KCNC1: variants seen among roughly 807,000 people sequenced by gnomAD.
The protein encoded by KCNC1 is voltage-gated potassium channel KCNC1.
In KCNC1, 8 loss-of-function variants were observed where a neutral mutation model predicts 43.4. That is an observed-to-expected ratio of 0.18 (90% CI 0.11 to 0.33). KCNC1 has a LOEUF of 0.33. Ranked by LOEUF, KCNC1 falls within the 10% of genes least tolerant of loss-of-function variation. The probability of loss-of-function intolerance (pLI) is 1.00; values close to 1 mark genes in which losing one functional copy is unlikely to be tolerated. For missense variants in KCNC1, 420 were observed against 836.0 expected (o/e 0.50, Z 6.14); for synonymous variants, 361 against 360.5 (o/e 1.00, Z -0.01).
chr11:17,748,706 C>T lies in KCNC1; in HGVS notation c.570+12134C>T, dbSNP rs117841032. 4.7e-3 allele frequency among the ~76,000 whole-genome samples: 718 copies of T among 152,230 alleles called. 19 individuals carry two copies. The East Asian group carries it at 0.098, about 21-fold the overall frequency. On this transcript the variant is annotated intron_variant, in intron 1 of 3. Coordinates refer to ENST00000265969, the MANE Select transcript of KCNC1 (RefSeq NM_001112741.2). ...TCCTGACAGTGGGGTCTGCTCTTGA[C>T]GGGGCCTGCCCCATGGGTTCCCTGA...
Position 17,777,608 on chromosome 11 carries a change from G to C in KCNC1, c.1505-1848G>C. On this transcript the variant is annotated intron_variant, in intron 2 of 3. Coordinates refer to ENST00000265969, the MANE Select transcript of KCNC1 (RefSeq NM_001112741.2). This position sits in a 1 kb window ranked among gnomAD's most constrained non-coding sequence, Gnocchi z 4.3. ...AGACATGCCCCAAGACCCCAGAGAC[G>C]CCCCGGCCCCAGTCACATGGTGTCA... 1.0e-6 allele frequency: 1 copy of C among 985,840 alleles called. No individual in the cohort carries two copies. Among genetic ancestry groups the C allele is most frequent in the Non-Finnish European group, 1.2e-6 (1 of 829,938 alleles). 61.1% of individuals were successfully genotyped at this position (985,840 alleles called of 1,614,324 possible).
rs1304498387 is a variant in KCNC1 at position 17,739,419 on chromosome 11, C to G, written c.570+2847C>G. Among the ~76,000 whole-genome samples the G allele has an allele frequency of 6.9e-6, 1 of 144,890 alleles. No homozygotes were observed. The highest frequency in any genetic ancestry group is 2.6e-5 in the African/African-American group (1 of 37,894). ...TGTGTGGTGAGACTGCGACTCTGTGCGAGCTTCCTGAGTCCTTGTGTCAGG... is the reference window on the plus strand; with the variant it reads ...TGTGTGGTGAGACTGCGACTCTGTGGGAGCTTCCTGAGTCCTTGTGTCAGG... On this transcript the variant is annotated intron_variant, in intron 1 of 3. Transcript: ENST00000265969. This position sits in a 1 kb window ranked among gnomAD's most constrained non-coding sequence, Gnocchi z 4.2.
At chr11:17,748,602 A>G (rs1848928979) in intron 1 of KCNC1, among the ~76,000 whole-genome samples, 2 of 152,174 alleles carry the variant, frequency 1.3e-5, no homozygotes, top group South Asian at 4.1e-4. Context: ...AATCTAAAAT[A>G]AAATAATTTT....
chr11:17,765,452 T>C (rs1849137421), intron 1 of KCNC1, among the ~76,000 whole-genome samples: 1 of 152,212 alleles, frequency 6.6e-6, no homozygotes. Flanking sequence ...AATAACTTGG[T>C]GATTTATAAA....
chr11:17,735,995 G>T lies in KCNC1; in HGVS notation c.-8G>T, dbSNP rs1298997012. ...GCTGGGCCGCGCCATGCCTAAGGGG[G>T]CGCCGCGATGGGCCAAGGGGACGAG... On this transcript the variant is annotated 5_prime_UTR_variant, in exon 1 of 4. Coordinates refer to ENST00000265969, the MANE Select transcript of KCNC1 (RefSeq NM_001112741.2). This position sits in a 1 kb window ranked among gnomAD's most constrained non-coding sequence, Gnocchi z 6.7. The T allele has an allele frequency of 2.1e-6, 3 of 1,449,360 alleles. No individual in the cohort carries two copies. Among genetic ancestry groups the T allele is most frequent in the Non-Finnish European group, 2.7e-6 (3 of 1,104,784 alleles). The allele number at this position is 1,449,360 out of a possible 1,614,324, so 89.8% of individuals were successfully genotyped here.
chr11:17,739,419 C>T lies in KCNC1; in HGVS notation c.570+2847C>T, dbSNP rs1304498387. ...TGTGTGGTGAGACTGCGACTCTGTG[C>T]GAGCTTCCTGAGTCCTTGTGTCAGG... On this transcript the variant is annotated intron_variant, in intron 1 of 3. Transcript: ENST00000265969. This position sits in a 1 kb window ranked among gnomAD's most constrained non-coding sequence, Gnocchi z 4.2. 6.2e-5 allele frequency among the ~76,000 whole-genome samples: 9 copies of T among 144,890 alleles called. No individual in the cohort carries two copies. Among genetic ancestry groups the T allele is most frequent in the African/African-American group, 2.1e-4 (8 of 37,894 alleles).
In KCNC1 at chr11:17,779,321, C is replaced by T. The variant is rs1482428222; in HGVS notation, c.1505-135C>T. The T allele has an allele frequency of 1.3e-5, 9 of 718,068 alleles. No individual in the cohort carries two copies. Among genetic ancestry groups the T allele is most frequent in the Non-Finnish European group, 2.0e-5 (9 of 456,958 alleles). The allele number at this position is 718,068 out of a possible 1,614,324, so 44.5% of individuals were successfully genotyped here. ...CCCCTGCCTTGTGCCCTCCTCGCTC[C>T]ACAGCCTGCCCGCTTTTCCGTCCTC... On this transcript the variant is annotated intron_variant, in intron 2 of 3. Transcript: ENST00000265969. The surrounding 1 kb of genome is among the most constrained non-coding windows in gnomAD (Gnocchi z 7.2).
In KCNC1 at chr11:17,736,755, A is replaced by G. The variant is rs1848772671; in HGVS notation, c.570+183A>G. 6.6e-6 allele frequency among the ~76,000 whole-genome samples: 1 copy of G among 152,120 alleles called. No homozygotes were observed. Among genetic ancestry groups the G allele is most frequent in the Non-Finnish European group, 1.5e-5 (1 of 68,014 alleles). On this transcript the variant is annotated intron_variant, in intron 1 of 3. Coordinates refer to ENST00000265969, the MANE Select transcript of KCNC1 (RefSeq NM_001112741.2). This position sits in a 1 kb window ranked among gnomAD's most constrained non-coding sequence, Gnocchi z 9.3. ...GTGTCCGCCGGGGTTCTGGTTTTCTATGTATGTCAGTCTGTGTGTTGCCAA... is the reference window on the plus strand; with the variant it reads ...GTGTCCGCCGGGGTTCTGGTTTTCTGTGTATGTCAGTCTGTGTGTTGCCAA...
At chr11:17,747,709 G>T (rs1848916114) in intron 1 of KCNC1, among the ~76,000 whole-genome samples, 1 of 152,214 alleles carries the variant, frequency 6.6e-6, no homozygotes, top group Non-Finnish European at 1.5e-5. Flanking sequence ...CAGCCTCGCT[G>T]GGTCAGGCTC....
At chr11:17,762,366 G>A (rs771303970) in intron 1 of KCNC1, among the ~76,000 whole-genome samples, 3 of 152,210 alleles carry the variant, frequency 2.0e-5, no homozygotes, top group Admixed American at 1.3e-4. Flanking sequence ...AGGGTCCACC[G>A]GAGCTTCAAG....
Position 17,739,696 on chromosome 11 carries a change from TGTGTG to T in KCNC1, c.570+3125_570+3129del, listed in dbSNP as rs1848816930. ...GTCTGTGTGTGTGTGTGTGTGTGTG[TGTGTG>T]TACATGCGTGTACACATAAGGCAGG... On this transcript the variant is annotated intron_variant, in intron 1 of 3. Transcript: ENST00000265969. The surrounding 1 kb of genome is among the most constrained non-coding windows in gnomAD (Gnocchi z 4.2). 3.3e-5 allele frequency among the ~76,000 whole-genome samples: 5 copies of T among 151,804 alleles called. No homozygotes were observed. Among genetic ancestry groups the T allele is most frequent in the African/African-American group, 1.2e-4 (5 of 41,290 alleles).
chr11:17,779,226 C>G lies in KCNC1; in HGVS notation c.1505-230C>G. ...TCTTTTTGCAAACTTTGAGCAAACC[C>G]AGGAGTCCCCACTCCCAGCACTGTG... On this transcript the variant is annotated intron_variant, in intron 2 of 3. Transcript: ENST00000265969. This position sits in a 1 kb window ranked among gnomAD's most constrained non-coding sequence, Gnocchi z 7.2. The G allele has an allele frequency of 2.2e-6, 1 of 463,684 alleles. No individual in the cohort carries two copies. Among genetic ancestry groups the G allele is most frequent in the Non-Finnish European group, 3.8e-6 (1 of 265,174 alleles). 28.7% of individuals were successfully genotyped at this position (463,684 alleles called of 1,614,324 possible).
rs1174205560 is a variant in KCNC1 at position 17,746,163 on chromosome 11, C to A, written c.570+9591C>A. On this transcript the variant is annotated intron_variant, in intron 1 of 3. Coordinates refer to ENST00000265969, the MANE Select transcript of KCNC1 (RefSeq NM_001112741.2). ...TCCTTTCTGGCCTCACGTGGGAGCACAATCCCTCCATCCCCTGAGCCTGGA... is the reference window on the plus strand; with the variant it reads ...TCCTTTCTGGCCTCACGTGGGAGCAAAATCCCTCCATCCCCTGAGCCTGGA... Among the ~76,000 whole-genome samples the A allele has an allele frequency of 2.6e-5, 4 of 152,176 alleles. 1 individual carries two copies. Among genetic ancestry groups the A allele is most frequent in the Admixed American group, 1.3e-4 (2 of 15,290 alleles).
rs143460354 is a variant in KCNC1, at chr11:17,735,241, A to T, written c.-762A>T. ...AGCAACACCCCGGGTGCCCCTGCCC[A>T]GGGGGCCCGCCATCTCCTCCAGGAG... On this transcript the variant is annotated 5_prime_UTR_variant, in exon 1 of 4. Transcript: ENST00000265969. This position sits in a 1 kb window ranked among gnomAD's most constrained non-coding sequence, Gnocchi z 6.7. 1 of 151,518 alleles carries T rather than the reference A, an allele frequency of 6.6e-6. No homozygotes were observed. Among genetic ancestry groups the T allele is most frequent in the African/African-American group, 2.4e-5 (1 of 41,320 alleles). The allele number at this position is 151,518 out of a possible 1,614,324, so 9.4% of individuals were successfully genotyped here.
At chr11:17,772,921 G>C in intron 2 of KCNC1, 1 of 1,215,648 alleles carries the variant, frequency 8.2e-7, no homozygotes, top group Non-Finnish European at 1.0e-6. Flanking sequence ...TGCTTGGTGG[G>C]GCAGGAGTCC....
intron 1 of KCNC1, among the ~76,000 whole-genome samples, chr11:17,765,155 G>A (rs951543804): frequency 6.6e-6 from 1 of 152,184 alleles, no homozygotes; most frequent in Non-Finnish European, 1.5e-5. Context: ...GGCCCAGAGA[G>A]GGGAAGCAAC....
In KCNC1 at chr11:17,736,092, C is replaced by T; in HGVS notation, c.90C>T (p.Pro30=). Residue 30 remains proline, a synonymous_variant, in exon 1 of 4, where the codon CCC becomes CCT. Transcript: ENST00000265969. This position sits in a 1 kb window ranked among gnomAD's most constrained non-coding sequence, Gnocchi z 9.3. ...ACCGCTCGACCCTGCGCACGCTGCC[C>T]GGCACGCGGCTCGCCTGGCTGGCGG... ...QTYRSTLRTL[P]GTRLAWLAEP... The T allele has an allele frequency of 1.2e-6, 2 of 1,607,722 alleles. No individual in the cohort carries two copies. The highest frequency in any genetic ancestry group is 1.1e-5 in the South Asian group (1 of 90,282).
At chr11:17,740,488 G>A (rs1055820096) in intron 1 of KCNC1, among the ~76,000 whole-genome samples, 9 of 152,086 alleles carry the variant, frequency 5.9e-5, no homozygotes, top group African/African-American at 2.2e-4. Flanking sequence ...TGTTGGGGCT[G>A]CCTGGCTTGA....
rs1053967138 is a variant in KCNC1, at chr11:17,781,204, A to C, written c.1694-466A>C. The C allele has an allele frequency of 6.5e-6, 1 of 154,646 alleles. No homozygotes were observed. The highest frequency in any genetic ancestry group is 3.3e-3 in the Middle Eastern group (1 of 304). 9.6% of individuals were successfully genotyped at this position (154,646 alleles called of 1,614,324 possible). A position where few individuals can be genotyped will look rare whatever the true frequency, so the allele number is the denominator to read the frequency against. ...CCAGAAGCACAGAAGGGAGTGTGGG[A>C]CAGGAACAGCGCTGCTCCCTGCAGT... On this transcript the variant is annotated intron_variant, in intron 3 of 3. Coordinates refer to ENST00000265969, the MANE Select transcript of KCNC1 (RefSeq NM_001112741.2). The surrounding 1 kb of genome is among the most constrained non-coding windows in gnomAD (Gnocchi z 5.1).
Sources: allele counts gnomAD v4.1 joint callset (sites outside exome capture counted in the v4.1 genomes callset), GRCh38; gene constraint gnomAD v4.1.1; non-coding constraint Gnocchi (gnomAD v3.1); transcripts MANE v1.5; gene names NCBI Gene and HGNC (gene_info 2026-07-23, HGNC 2026-07-21).